PRRC2C: variants seen among roughly 807,000 people sequenced by gnomAD.
PRRC2C encodes proline rich coiled-coil 2C.
PRRC2C carries 72 observed loss-of-function variants against 317.2 expected under a neutral mutation model. That is an observed-to-expected ratio of 0.23 (90% confidence interval 0.19 to 0.28). The LOEUF (loss-of-function observed/expected upper bound fraction) is 0.28. Among genes scored for constraint, PRRC2C ranks in the 10% least tolerant of loss-of-function variants. PRRC2C has a pLI of 1.00. For synonymous variants in PRRC2C, 1,296 were observed against 1,205.9 expected (o/e 1.07, Z -1.55); for missense variants, 3,074 against 3,459.7 (o/e 0.89, Z 2.80).
chr1:171,523,655 G>A (rs953572227), intron 9 of PRRC2C, 133 bp downstream of exon 9: 1 of 793,548 alleles, frequency 1.3e-6, no homozygotes, highest in African/African-American at 1.7e-5. Context: ...AAGTTTTACT[G>A]AATAGAGGGT....
chr1:171,500,555 C>T (rs1000272902), intron 1 of PRRC2C, among the ~76,000 whole-genome samples: 1 of 152,070 alleles, frequency 6.6e-6, no homozygotes, highest in Admixed American at 6.6e-5. Flanking sequence ...CGCCACCATG[C>T]CTGGCTACTT....
rs147214175 is a variant in PRRC2C, at chr1:171,542,061, A to G, written c.4595A>G (p.Asn1532Ser). 4.2e-5 allele frequency: 68 copies of G among 1,613,988 alleles called. 2 individuals carry two copies. In the Middle Eastern group the frequency reaches 2.1e-3, roughly 51 times the overall value. Residue 1532 changes from asparagine (N) to serine (S), a missense_variant, in exon 16 of 35, where the codon AAT (asparagine) becomes AGT (serine). Transcript: ENST00000647382. ...NAQTVVKVGENVLPPKREIAK... is the reference protein window; with the variant it reads ...NAQTVVKVGESVLPPKREIAK... The stretch of plus-strand genomic sequence containing the variant: ...CAAACAGTTGTAAAGGTTGGAGAGA[A>G]TGTTCTACCTCCAAAGAGGGAAATT...
In PRRC2C at chr1:171,532,874, GA is replaced by G; in HGVS notation, c.1791del (p.Lys597AsnfsTer2). The G allele has an allele frequency of 1.3e-6, 2 of 1,587,328 alleles. No homozygotes were observed. The highest frequency in any genetic ancestry group is 1.2e-5 in the South Asian group (1 of 84,582). ...GGAATGTGAGCTGGAGAAGGAAAGG[GA>G]AAAATTAGAGGAGAAAATTGAACCC... ...EKECELEKEREKLEEKIEPRE... is the reference protein window; with the variant it reads ...EKECELEKERXKLEEKIEPRE... On this transcript the variant is annotated frameshift_variant, in exon 12 of 35. Transcript: ENST00000647382. LOFTEE classifies it high-confidence loss of function.
At chr1:171,515,503 C>G (rs188061235) in intron 4 of PRRC2C, among the ~76,000 whole-genome samples, 1 of 152,030 alleles carries the variant, frequency 6.6e-6, no homozygotes, top group Non-Finnish European at 1.5e-5. Flanking sequence ...TAAATGAGTC[C>G]TCTGGAATGG....
intron 20 of PRRC2C, among the ~76,000 whole-genome samples, chr1:171,563,006 A>AG (rs1219514233): frequency 6.6e-6 from 1 of 152,198 alleles, no homozygotes. Flanking sequence ...GGATAGATTA[A>AG]GTGTGTCAGA....
intron 1 of PRRC2C, among the ~76,000 whole-genome samples, chr1:171,486,884 A>T (rs1476720066): frequency 1.3e-5 from 2 of 152,220 alleles, no homozygotes; most frequent in African/African-American, 2.4e-5. Flanking sequence ...GGTAATTAAG[A>T]TGCTGCTTTG....
At chr1:171,577,705 C>A in intron 26 of PRRC2C, 68 bp downstream of exon 26, 1 of 1,386,186 alleles carries the variant, frequency 7.2e-7, no homozygotes, top group African/African-American at 1.4e-5. Context: ...TTATTTTTGT[C>A]TCTTCTTACC....
In PRRC2C at chr1:171,535,405, C is replaced by T. The variant is rs371587447; in HGVS notation, c.1874-23C>T. ...TAAGTGTCATAGATGAATACTATTACCTTTCACCTTTTCTTTGAGCAGAGG... is the reference window on the plus strand; with the variant it reads ...TAAGTGTCATAGATGAATACTATTATCTTTCACCTTTTCTTTGAGCAGAGG... On this transcript the variant is annotated intron_variant, in intron 12 of 34. Coordinates refer to ENST00000647382, the MANE Select transcript of PRRC2C (RefSeq NM_001387844.1). 5 of 1,603,056 alleles carry T rather than the reference C, an allele frequency of 3.1e-6. No individual in the cohort carries two copies. In the Admixed American group the frequency reaches 8.6e-5, roughly 28 times the overall value.
chr1:171,495,714 G>A (rs1415837040), intron 1 of PRRC2C, among the ~76,000 whole-genome samples: 1 of 152,156 alleles, frequency 6.6e-6, no homozygotes, highest in Non-Finnish European at 1.5e-5. Flanking sequence ...GGAGTGTGGT[G>A]AATATTTGGG....
chr1:171,497,615 C>T (rs1003626902), intron 1 of PRRC2C, among the ~76,000 whole-genome samples: 1 of 151,478 alleles, frequency 6.6e-6, no homozygotes, highest in Non-Finnish European at 1.5e-5. Context: ...GGGAGACAGG[C>T]ATGTGCCACC....
rs1282219468 is a variant in PRRC2C at position 171,568,385 on chromosome 1, C to T, written c.6651+46C>T. The T allele has an allele frequency of 5.8e-6, 9 of 1,554,746 alleles. No individual in the cohort carries two copies. In the African/African-American group the frequency reaches 1.1e-4, roughly 19 times the overall value. The stretch of plus-strand genomic sequence containing the variant: ...GTGGCAAGTTTGGATTGGAACCTGG[C>T]TATTATTATCAAGCACATTATTTCA... On this transcript the variant is annotated intron_variant, in intron 23 of 34. Coordinates refer to ENST00000647382, the MANE Select transcript of PRRC2C (RefSeq NM_001387844.1).
chr1:171,486,078 C>A (rs960000298), intron 1 of PRRC2C, among the ~76,000 whole-genome samples: 2 of 148,392 alleles, frequency 1.3e-5, no homozygotes, highest in African/African-American at 5.0e-5. Context: ...AAGGGGGTTT[C>A]CGTCTTCCTG....
rs1419683526 is a variant in PRRC2C at position 171,557,595 on chromosome 1, C to T, written c.5483C>T (p.Ala1828Val). ...SASVPASTSA[A>V]AITSSSAPAS... ...TCAGTTCCAGCCTCTACTTCAGCTGCAGCTATAACCTCTTCTTCAGCTCCA... is the reference window on the plus strand; with the variant it reads ...TCAGTTCCAGCCTCTACTTCAGCTGTAGCTATAACCTCTTCTTCAGCTCCA... Residue 1828 changes from alanine to valine, a missense_variant, in exon 19 of 35, where the codon GCA (alanine) becomes GTA (valine). Coordinates refer to ENST00000647382, the MANE Select transcript of PRRC2C (RefSeq NM_001387844.1). The T allele has an allele frequency of 6.4e-7, 1 of 1,551,708 alleles. No individual in the cohort carries two copies. Among genetic ancestry groups the T allele is most frequent in the Non-Finnish European group, 8.7e-7 (1 of 1,146,994 alleles).
chr1:171,572,728 G>A (rs1684998518), intron 24 of PRRC2C, among the ~76,000 whole-genome samples: 1 of 152,130 alleles, frequency 6.6e-6, no homozygotes, highest in African/African-American at 2.4e-5. Flanking sequence ...TACTAGCAAG[G>A]TAAATAATCT....
Position 171,537,403 on chromosome 1 carries a change from G to C in PRRC2C, c.2434G>C (p.Asp812His). The C allele has an allele frequency of 4.4e-6, 7 of 1,589,818 alleles. No homozygotes were observed. Among genetic ancestry groups the C allele is most frequent in the Non-Finnish European group, 6.0e-6 (7 of 1,167,318 alleles). Residue 812 changes from aspartate to histidine, a missense_variant, in exon 15 of 35, where the codon GAT becomes CAT. By Grantham distance (81) the Asp-to-His change is moderately conservative (BLOSUM62 -1). This residue lies in a region of PRRC2C where 1,320 missense variants were observed against 1,395.7 expected (regional missense o/e 0.95). Transcript: ENST00000647382. ...LSEPRMLWGS[D>H]PYPHAEPQQA... ...TGAGCCTCGTATGCTGTGGGGGTCA[G>C]ATCCCTATCCTCATGCTGAGCCTCA...
At chr1:171,535,305 T>C (rs1676612337) in intron 12 of PRRC2C, 123 bp from the exon 13 acceptor site, 1 of 785,812 alleles carries the variant, frequency 1.3e-6, no homozygotes, top group Non-Finnish European at 1.9e-6. Flanking sequence ...AAAATAATGT[T>C]TTAGAGTGTC....
At chr1:171,512,969 A>G in intron 2 of PRRC2C, 26 bp from the exon 3 acceptor site, 1 of 1,575,364 alleles carries the variant, frequency 6.3e-7, no homozygotes, top group South Asian at 1.2e-5. Context: ...AGATGTTCTA[A>G]GAAAGTTGAT....
At chr1:171,497,030 A>G (rs534312508) in intron 1 of PRRC2C, among the ~76,000 whole-genome samples, 4 of 152,220 alleles carry the variant, frequency 2.6e-5, no homozygotes, top group Non-Finnish European at 5.9e-5. Flanking sequence ...TGCTCAAGCT[A>G]TCCTCCCACC....
chr1:171,552,546 T>A (rs568554655), intron 18 of PRRC2C, among the ~76,000 whole-genome samples: 1 of 152,230 alleles, frequency 6.6e-6, no homozygotes, highest in Non-Finnish European at 1.5e-5. Context: ...GTGCCAGTTT[T>A]CAAAGAGAAT....
Sources: allele counts gnomAD v4.1 joint callset (sites outside exome capture counted in the v4.1 genomes callset), GRCh38; gene constraint gnomAD v4.1.1; regional missense constraint gnomAD v4.1.1; transcripts MANE v1.5; gene names NCBI Gene and HGNC (gene_info 2026-07-23, HGNC 2026-07-21).